KIF27: variants seen among roughly 807,000 people sequenced by gnomAD.
The protein encoded by KIF27 is kinesin-like protein KIF27.
KIF27 carries 84 observed loss-of-function variants against 141.8 expected under a neutral mutation model. That is an observed-to-expected ratio of 0.59 (90% CI 0.50 to 0.71). The LOEUF is 0.71. Ranked by LOEUF, KIF27 falls within the 30% of genes least tolerant of loss-of-function variation. The pLI is 0.00. For synonymous variants in KIF27, 471 were observed against 569.5 expected, an observed-to-expected ratio of 0.83 and a Z score of 2.46; for missense variants, 1,306 against 1,628.4, an observed-to-expected ratio of 0.80 and a Z score of 3.41.
chr9:83,916,665 T>C (rs938100593), intron 1 of KIF27, among the ~76,000 whole-genome samples: 3 of 147,962 alleles, frequency 2.0e-5, no homozygotes, highest in African/African-American at 7.4e-5. Context: ...ATGAACACTT[T>C]TTTTTTTTTT....
intron 1 of KIF27, among the ~76,000 whole-genome samples, chr9:83,920,158 G>A (rs1956116160): frequency 6.6e-6 from 1 of 152,172 alleles, no homozygotes; most frequent in African/African-American, 2.4e-5. Context: ...TTGAGCCCGG[G>A]AGGTTGAGGC....
At position 83,915,678 on chromosome 9, in the gene KIF27, C is replaced by T. The variant is rs1955613111; in HGVS notation, c.-87G>A. On this transcript the variant is annotated splice_region_variant and 5_prime_UTR_variant, in exon 2 of 18. Transcript: ENST00000297814. ...TTCCATCTTATGTAAGATCTGGATT[C>T]CTGTGCAACAAAAATAAAAAGCAAA... The T allele has an allele frequency of 7.6e-7, 1 of 1,324,478 alleles. No individual in the cohort carries two copies. Among genetic ancestry groups the T allele is most frequent in the Non-Finnish European group, 1.0e-6 (1 of 972,704 alleles). 82.0% of individuals were successfully genotyped at this position (1,324,478 alleles called of 1,614,324 possible).
chr9:83,904,013 C>A lies in KIF27; in HGVS notation c.505G>T (p.Val169Phe), dbSNP rs771510121. 5.6e-6 allele frequency: 9 copies of A among 1,596,064 alleles called. No homozygotes were observed. In the Admixed American group the frequency reaches 7.0e-5, roughly 12 times the overall value. The change falls in exon 4 of 18, where the codon GTT becomes TTT. Residue 169 changes from valine (V) to phenylalanine (F), a missense_variant. Physicochemically the swap from Val to Phe is conservative, Grantham distance 50. Coordinates refer to ENST00000297814, the MANE Select transcript of KIF27 (RefSeq NM_017576.4). ...REDEKGNTVIVGAKECHVESA... is the reference protein window; with the variant it reads ...REDEKGNTVIFGAKECHVESA... The stretch of plus-strand genomic sequence containing the variant: ...TCCACATGGCATTCCTTGGCCCCAA[C>A]AATCACTTAAAATAGTAATAACATG...
intron 2 of KIF27, among the ~76,000 whole-genome samples, chr9:83,913,137 C>G (rs1432579471): frequency 1.7e-4 from 26 of 152,006 alleles, no homozygotes; most frequent in African/African-American, 6.0e-4. Flanking sequence ...TGCACTCCAG[C>G]CAGGGTGACA....
intron 11 of KIF27, 64 bp from the exon 12 acceptor site, chr9:83,870,696 A>ACAATTAT: frequency 6.7e-7 from 1 of 1,499,974 alleles, no homozygotes; most frequent in Non-Finnish European, 8.9e-7. Flanking sequence ...TATGCTGATG[A>ACAATTAT]CAATTATTTT....
At chr9:83,884,911 G>C (rs2780167) in intron 9 of KIF27, among the ~76,000 whole-genome samples, 1 of 151,966 alleles carries the variant, frequency 6.6e-6, no homozygotes, top group Non-Finnish European at 1.5e-5. Flanking sequence ...ATATATAGAA[G>C]AGAAAAAATA....
Position 83,859,091 on chromosome 9 carries a change from G to A in KIF27, c.3150+65C>T, listed in dbSNP as rs548630870. 20 of 1,092,028 alleles carry A rather than the reference G, an allele frequency of 1.8e-5. No individual in the cohort carries two copies. The African/African-American group carries it at 2.3e-4, about 13-fold the overall frequency. The allele number at this position is 1,092,028 out of a possible 1,614,324, so 67.6% of individuals were successfully genotyped here. A position where few individuals can be genotyped will look rare whatever the true frequency, so the allele number is the denominator to read the frequency against. On this transcript the variant is annotated intron_variant, in intron 14 of 17. Transcript: ENST00000297814. ...ATAATATTTATGATTATGTGAAAAA[G>A]ACTGAGGAAATCACTCAAGTGATCC...
At chr9:83,918,324 G>GC (rs1491195966) in intron 1 of KIF27, among the ~76,000 whole-genome samples, 33 of 43,034 alleles carry the variant, frequency 7.7e-4, no homozygotes, top group African/African-American at 5.5e-3. Context: ...CGAGAGAAAT[G>GC]GGGGGGGGGC....
At position 83,915,527 on chromosome 9, in the gene KIF27, T is replaced by C; in HGVS notation, c.65A>G (p.His22Arg). 2 of 1,613,852 alleles carry C rather than the reference T, an allele frequency of 1.2e-6. No homozygotes were observed. Among genetic ancestry groups the C allele is most frequent in the East Asian group, 2.2e-5 (1 of 44,856 alleles). The change falls in exon 2 of 18, where the codon CAT becomes CGT. Residue 22 changes from histidine to arginine, a missense_variant. Around this residue, in one of 4 missense-constraint regions of KIF27, gnomAD observed 533 missense variants for 565.6 expected, o/e 0.94. Coordinates refer to ENST00000297814, the MANE Select transcript of KIF27 (RefSeq NM_017576.4). ...IRPLLCKEAL[H>R]NHQVCVRVIP... ...AACTCTCACACAAACTTGATGATTA[T>C]GAAGAGCTTCTTTGCAAAGCAGAGG...
At chr9:83,864,883 GGATA>G (rs370243817) in intron 13 of KIF27, among the ~76,000 whole-genome samples, 3,492 of 152,226 alleles carry the variant, frequency 0.023, 138 homozygotes, top group African/African-American at 0.081. Flanking sequence ...TATATATTTA[GGATA>G]GTTAGCTCTT....
chr9:83,866,859 T>TA (rs796479955), intron 13 of KIF27, among the ~76,000 whole-genome samples: 49 of 145,026 alleles, frequency 3.4e-4, no homozygotes, highest in African/African-American at 6.1e-4. Context: ...CTCAAAAAAT[T>TA]AAAAAAAAAA....
intron 5 of KIF27, among the ~76,000 whole-genome samples, chr9:83,891,917 A>G (rs1319855524): frequency 6.6e-6 from 1 of 152,208 alleles, no homozygotes; most frequent in Non-Finnish European, 1.5e-5. Context: ...AAGGAGGCAG[A>G]AGGAGGTAAC....
chr9:83,904,103 G>T (rs1044263331), intron 3 of KIF27, 85 bp from the exon 4 acceptor site: 3 of 951,808 alleles, frequency 3.2e-6, no homozygotes, highest in Non-Finnish European at 4.7e-6. Flanking sequence ...AAACAGCCTG[G>T]CCAAGATAGT....
intron 3 of KIF27, among the ~76,000 whole-genome samples, chr9:83,907,635 C>T (rs13296528): frequency 0.3 from 44,788 of 149,496 alleles, 6,967 homozygotes; most frequent in African/African-American, 0.4. Flanking sequence ...AGGAACACAA[C>T]AAAAAAAAAC....
chr9:83,848,021 CTATA>C, intron 16 of KIF27: 1 of 104,238 alleles, frequency 9.6e-6, no homozygotes, highest in South Asian at 2.8e-4. Flanking sequence ...ATCATATATG[CTATA>C]TCTATATCTA....
intron 11 of KIF27, chr9:83,880,038 T>A: frequency 1.9e-6 from 1 of 524,376 alleles, no homozygotes; most frequent in Non-Finnish European, 3.3e-6. Context: ...ACAGCTTCAA[T>A]TAAAGTTAGG....
intron 11 of KIF27, among the ~76,000 whole-genome samples, chr9:83,875,723 G>A (rs1416718348): frequency 6.6e-6 from 1 of 152,142 alleles, no homozygotes; most frequent in African/African-American, 2.4e-5. Flanking sequence ...CAAGACGGAG[G>A]GAGTGCTGAA....
chr9:83,886,433 A>C (rs1952109580), intron 9 of KIF27, among the ~76,000 whole-genome samples: 1 of 152,180 alleles, frequency 6.6e-6, no homozygotes, highest in Non-Finnish European at 1.5e-5. Flanking sequence ...AAAAGTTGTC[A>C]GTGAGTGCTT....
At chr9:83,901,282 T>G (rs13299246) in intron 4 of KIF27, among the ~76,000 whole-genome samples, 1 of 152,214 alleles carries the variant, frequency 6.6e-6, no homozygotes, top group South Asian at 2.1e-4. Flanking sequence ...TTTTAATGTA[T>G]AGATCTTAAT....
Sources: allele counts gnomAD v4.1 joint callset (sites outside exome capture counted in the v4.1 genomes callset), GRCh38; gene constraint gnomAD v4.1.1; regional missense constraint gnomAD v4.1.1; transcripts MANE v1.5; gene names NCBI Gene and HGNC (gene_info 2026-07-23, HGNC 2026-07-21).